The following MCPH1 variants were observed in gnomAD, a reference collection of about 807,000 sequenced individuals.
The protein encoded by MCPH1 is microcephalin.
A neutral mutation model predicts 84.5 loss-of-function variants in MCPH1; 104 were observed. The ratio of observed to expected loss-of-function variants is 1.23; its 90% confidence interval spans 1.05 to 1.45. The LOEUF is 1.45. Among genes scored for constraint, MCPH1 ranks in the 40% most tolerant of loss-of-function variants. The probability of loss-of-function intolerance (pLI) is 0.00; values close to 1 mark genes in which losing one functional copy is unlikely to be tolerated. For synonymous variants in MCPH1, 514 were observed against 366.8 expected, an observed-to-expected ratio of 1.40 and a Z score of -4.58; for missense variants, 1,498 against 1,005.7, an observed-to-expected ratio of 1.49 and a Z score of -6.62.
chr8:6,513,647 T>G (rs749984117), intron 12 of MCPH1: 15 of 1,584,100 alleles, frequency 9.5e-6, no homozygotes, highest in Non-Finnish European at 1.1e-5. Flanking sequence ...ATCTTTTAAT[T>G]TTTTCTTTCA....
rs187285562 is a variant in MCPH1, at chr8:6,434,419, A to C, written c.322-1629A>C. 7.2e-5 allele frequency among the ~76,000 whole-genome samples: 11 copies of C among 152,342 alleles called. No homozygotes were observed. The East Asian group carries it at 2.1e-3, about 29-fold the overall frequency. ...CCCCAAACTTCCCGGACCTGTGGCTATAAAGCACCACTGTCTAATTAGTAC... is the reference window on the plus strand; with the variant it reads ...CCCCAAACTTCCCGGACCTGTGGCTCTAAAGCACCACTGTCTAATTAGTAC... On this transcript the variant is annotated intron_variant, in intron 4 of 13. Transcript: ENST00000344683.
chr8:6,491,376 C>CTTTTTTTTTTTTTT (rs34589854), intron 11 of MCPH1, among the ~76,000 whole-genome samples: 1 of 128,156 alleles, frequency 7.8e-6, no homozygotes, highest in Non-Finnish European at 1.7e-5. Flanking sequence ...TGGTTTCTTT[C>CTTTTTTTTTTTTTT]TTTTTTTTTT....
rs990607659 is a variant in MCPH1 at position 6,521,219 on chromosome 8, T to G, written c.2214+21290T>G. The G allele has an allele frequency of 4.3e-6, 7 of 1,613,802 alleles. No individual in the cohort carries two copies. In the African/African-American group the frequency reaches 9.3e-5, roughly 22 times the overall value. On this transcript the variant is annotated intron_variant, in intron 12 of 13. Coordinates refer to ENST00000344683, the MANE Select transcript of MCPH1 (RefSeq NM_024596.5). ...CATAGTCAGTAAGTTATTAACTGTC[T>G]CCATGAGATCATGTTGCTGCTTCTG...
intron 13 of MCPH1, among the ~76,000 whole-genome samples, chr8:6,631,690 G>T (rs1009380638): frequency 6.6e-6 from 1 of 151,272 alleles, no homozygotes; most frequent in Non-Finnish European, 1.5e-5. Context: ...ACAAGTGTTA[G>T]TAAGGATGTG....
At chr8:6,624,117 G>C (rs1831804127) in intron 13 of MCPH1, among the ~76,000 whole-genome samples, 1 of 152,208 alleles carries the variant, frequency 6.6e-6, no homozygotes, top group East Asian at 1.9e-4. Flanking sequence ...CGGTTGTTTT[G>C]CCGCTCGGCT....
chr8:6,427,848 A>G (rs111855576), intron 3 of MCPH1, among the ~76,000 whole-genome samples: 1 of 150,204 alleles, frequency 6.7e-6, no homozygotes, highest in African/African-American at 2.5e-5. Flanking sequence ...ACTGGAGTGC[A>G]GTGGCGTGAT....
intron 12 of MCPH1, among the ~76,000 whole-genome samples, chr8:6,525,524 C>G (rs1200209247): frequency 6.6e-6 from 1 of 152,250 alleles, no homozygotes; most frequent in East Asian, 1.9e-4. Context: ...GCCACTGTGC[C>G]TGGCTTGAAT....
chr8:6,462,537 G>A (rs1287126102), intron 9 of MCPH1, among the ~76,000 whole-genome samples: 4 of 152,148 alleles, frequency 2.6e-5, no homozygotes, highest in African/African-American at 9.7e-5. Flanking sequence ...AAACTTGAGA[G>A]ACTGTCTTCT....
chr8:6,472,659 G>T (rs1159723010), intron 9 of MCPH1, among the ~76,000 whole-genome samples: 2 of 151,976 alleles, frequency 1.3e-5, no homozygotes, highest in Non-Finnish European at 2.9e-5. Flanking sequence ...GTAGAGATGG[G>T]GTTTCGCCAT....
chr8:6,504,190 C>T (rs929972222), intron 12 of MCPH1, among the ~76,000 whole-genome samples: 2 of 151,514 alleles, frequency 1.3e-5, no homozygotes, highest in Admixed American at 6.6e-5. Flanking sequence ...TGGTGGCGGA[C>T]GCCTGTAGTC....
intron 12 of MCPH1, among the ~76,000 whole-genome samples, chr8:6,511,347 A>G (rs1175145540): frequency 6.6e-6 from 1 of 152,100 alleles, no homozygotes; most frequent in Non-Finnish European, 1.5e-5. Context: ...ACAGTGGAGT[A>G]AAGAGGTAAC....
chr8:6,536,588 G>C (rs879558365), intron 12 of MCPH1, among the ~76,000 whole-genome samples: 2 of 152,232 alleles, frequency 1.3e-5, no homozygotes, highest in African/African-American at 4.8e-5. Context: ...CCTGACAAAA[G>C]AATCTGTGTT....
intron 9 of MCPH1, among the ~76,000 whole-genome samples, chr8:6,465,374 C>G (rs145697454): frequency 1.3e-5 from 2 of 152,202 alleles, no homozygotes; most frequent in East Asian, 3.8e-4. Flanking sequence ...CCAAGTGACC[C>G]TGCCACTGCG....
chr8:6,409,132 C>T (rs1449230303), intron 1 of MCPH1, 147 bp from the exon 2 acceptor site: 4 of 704,024 alleles, frequency 5.7e-6, no homozygotes, highest in East Asian at 2.7e-5. Context: ...TGGATCCACC[C>T]ACTTCCGCCT....
intron 9 of MCPH1, among the ~76,000 whole-genome samples, chr8:6,465,985 C>G (rs74480408): frequency 1.3e-5 from 2 of 149,188 alleles, no homozygotes; most frequent in Admixed American, 1.3e-4. Context: ...TACAGAGCCT[C>G]GCTCTGTCGC....
chr8:6,493,027 A>G (rs919091206), intron 11 of MCPH1, among the ~76,000 whole-genome samples: 2 of 152,324 alleles, frequency 1.3e-5, no homozygotes, highest in Admixed American at 1.3e-4. Context: ...TGTGTTGGTA[A>G]TAATTTCTGC....
Position 6,605,953 on chromosome 8 carries a change from C to T in MCPH1, c.2215-15501C>T, listed in dbSNP as rs957359744. Among the ~76,000 whole-genome samples the T allele has an allele frequency of 2.0e-5, 3 of 152,210 alleles. 1 individual carries two copies. In the South Asian group the frequency reaches 6.2e-4, roughly 32 times the overall value. On this transcript the variant is annotated intron_variant, in intron 12 of 13. Coordinates refer to ENST00000344683, the MANE Select transcript of MCPH1 (RefSeq NM_024596.5). Reference sequence around the variant, plus strand: ...CTCAAGTGATCTACCCCCCTTGGCCCCCCAGAATGCTGGGATTACAGGCAT... The same window carrying T: ...CTCAAGTGATCTACCCCCCTTGGCCTCCCAGAATGCTGGGATTACAGGCAT...
intron 12 of MCPH1, among the ~76,000 whole-genome samples, chr8:6,574,771 T>C (rs1323785317): frequency 6.6e-6 from 1 of 151,942 alleles, no homozygotes; most frequent in Non-Finnish European, 1.5e-5. Flanking sequence ...GGAGAGAAAG[T>C]GAAGGAAGAC....
chr8:6,503,048 G>C (rs534344603), intron 12 of MCPH1: 14 of 1,604,322 alleles, frequency 8.7e-6, no homozygotes, highest in Non-Finnish European at 1.2e-5. Flanking sequence ...CAGTGCACTG[G>C]GCTTAAGTCT....
Sources: allele counts gnomAD v4.1 joint callset (sites outside exome capture counted in the v4.1 genomes callset), GRCh38; gene constraint gnomAD v4.1.1; transcripts MANE v1.5; gene names NCBI Gene and HGNC (gene_info 2026-07-23, HGNC 2026-07-21).